KCNQ1: variants seen among roughly 807,000 people sequenced by gnomAD.
KCNQ1 encodes potassium voltage-gated channel subfamily KQT member 1.
KCNQ1 carries 49 observed loss-of-function variants against 72.4 expected under a neutral mutation model. The ratio of observed to expected loss-of-function variants is 0.68; its 90% CI spans 0.54 to 0.86. The LOEUF (loss-of-function observed/expected upper bound fraction) is 0.86, where lower values mean the gene tolerates loss of function less well. Among genes scored for constraint, KCNQ1 ranks in the 40% least tolerant of loss-of-function variants. The pLI is 0.00. For synonymous variants in KCNQ1, 450 were observed against 412.6 expected (o/e 1.09, Z -1.10); for missense variants, 790 against 945.1 (o/e 0.84, Z 2.15).
chr11:2,454,652 CAG>C (rs1490726174), intron 1 of KCNQ1, among the ~76,000 whole-genome samples: 2 of 151,922 alleles, frequency 1.3e-5, no homozygotes, highest in African/African-American at 4.8e-5. Context: ...CACATGTAAA[CAG>C]AATTAAAAAC....
In KCNQ1 at chr11:2,768,787, A is replaced by G. The variant is rs1268076446; in HGVS notation, c.1515-57A>G. ...CTCCTCAGGCAGTGCAGGGGCAGTG[A>G]GGGGATGACCAGCACAGGGTGGCCA... On this transcript the variant is annotated intron_variant, in intron 11 of 15. Transcript: ENST00000155840. The surrounding 1 kb of genome is among the most constrained non-coding windows in gnomAD (Gnocchi z 6.7). 7.4e-7 allele frequency: 1 copy of G among 1,342,622 alleles called. No homozygotes were observed. Among genetic ancestry groups the G allele is most frequent in the Non-Finnish European group, 1.1e-6 (1 of 932,512 alleles). The allele number at this position is 1,342,622 out of a possible 1,614,324, so 83.2% of individuals were successfully genotyped here.
At position 2,677,671 on chromosome 11, in the gene KCNQ1, A is replaced by G. The variant is rs1850317452; in HGVS notation, c.1514+15590A>G. On this transcript the variant is annotated intron_variant, in intron 11 of 15. Transcript: ENST00000155840. This position sits in a 1 kb window ranked among gnomAD's most constrained non-coding sequence, Gnocchi z 4.5. ...CTGTTATTGCATATGAGATAAAATA[A>G]TATTTTAACTACTGTTATTTTTCAA... The G allele has an allele frequency of 2.5e-6, 1 of 398,616 alleles. No individual in the cohort carries two copies. The highest frequency in any genetic ancestry group is 4.4e-6 in the Non-Finnish European group (1 of 226,056). The allele number at this position is 398,616 out of a possible 1,614,324, so 24.7% of individuals were successfully genotyped here.
At chr11:2,780,902 C>CA (rs1256695829) in intron 15 of KCNQ1, among the ~76,000 whole-genome samples, 1 of 152,174 alleles carries the variant, frequency 6.6e-6, no homozygotes, top group African/African-American at 2.4e-5. Context: ...TCTGCTCCAA[C>CA]ACAGACCTCC....
At position 2,662,006 on chromosome 11, in the gene KCNQ1, T is replaced by C. The variant is rs967396850; in HGVS notation, c.1439T>C (p.Met480Thr). 3 of 1,611,008 alleles carry C rather than the reference T, an allele frequency of 1.9e-6. No individual in the cohort carries two copies. Among genetic ancestry groups the C allele is most frequent in the East Asian group, 4.5e-5 (2 of 44,864 alleles). The change falls in exon 11 of 16, where the codon ATG becomes ACG. Residue 480 changes from methionine (M) to threonine (T), a missense_variant. Physicochemically the swap from Met to Thr is moderately conservative, Grantham distance 81 (BLOSUM62 -1). Transcript: ENST00000155840. ...TLLEVSMPHF[M>T]RTNSFAEDLD... ...CTGGAAGTGAGCATGCCCCATTTCA[T>C]GAGAACCAACAGCTTCGCCGAGGAC...
At position 2,588,968 on chromosome 11, in the gene KCNQ1, G is replaced by A; in HGVS notation, c.1393+114G>A. On this transcript the variant is annotated intron_variant, in intron 10 of 15. Transcript: ENST00000155840. The surrounding 1 kb of genome is among the most constrained non-coding windows in gnomAD (Gnocchi z 5.6). ...TTGGGCTGTGGTCTCTGACAACGAGGTATGAACAGACAGAGGGTGGAGCTT... is the reference window on the plus strand; with the variant it reads ...TTGGGCTGTGGTCTCTGACAACGAGATATGAACAGACAGAGGGTGGAGCTT... 1 of 1,258,336 alleles carries A rather than the reference G, an allele frequency of 7.9e-7. No individual in the cohort carries two copies. The allele number at this position is 1,258,336 out of a possible 1,614,324, so 77.9% of individuals were successfully genotyped here.
intron 11 of KCNQ1, among the ~76,000 whole-genome samples, chr11:2,722,471 G>C (rs1405405583): frequency 6.6e-6 from 1 of 152,184 alleles, no homozygotes; most frequent in East Asian, 1.9e-4. Context: ...TCACAAAGGA[G>C]ATCGGGAAGG....
At chr11:2,742,698 C>A (rs1386629113) in intron 11 of KCNQ1, among the ~76,000 whole-genome samples, 1 of 152,220 alleles carries the variant, frequency 6.6e-6, no homozygotes, top group African/African-American at 2.4e-5. Context: ...ACAAGAGCCT[C>A]GGAGAGAAGG....
rs188796307 is a variant in KCNQ1, at chr11:2,464,644, G to A, written c.386+19160G>A. ...CTGGGGGACAGGAGTTGGGGGGGTG[G>A]GCAGTGCCTCTGTGTGGCAGATTCC... On this transcript the variant is annotated intron_variant, in intron 1 of 15. Coordinates refer to ENST00000155840, the MANE Select transcript of KCNQ1 (RefSeq NM_000218.3). The surrounding 1 kb of genome is among the most constrained non-coding windows in gnomAD (Gnocchi z 5.0). Among the ~76,000 whole-genome samples, 505 of 152,208 alleles carry A rather than the reference G, an allele frequency of 3.3e-3. 3 individuals are homozygous for A. The highest frequency in any genetic ancestry group is 0.011 in the African/African-American group (474 of 41,542).
At chr11:2,644,477 T>A (rs1849636038) in intron 10 of KCNQ1, 1 of 398,362 alleles carries the variant, frequency 2.5e-6, no homozygotes, top group African/African-American at 2.1e-5. Context: ...ATACCCCGAA[T>A]TGTTTTTTCT....
rs1010556700 is a variant in KCNQ1, at chr11:2,679,891, T to A, written c.1514+17810T>A. 17 of 398,198 alleles carry A rather than the reference T, an allele frequency of 4.3e-5. No homozygotes were observed. The highest frequency in any genetic ancestry group is 2.9e-4 in the African/African-American group (14 of 48,580). The allele number at this position is 398,198 out of a possible 1,614,324, so 24.7% of individuals were successfully genotyped here. A position where few individuals can be genotyped will look rare whatever the true frequency, so the allele number is the denominator to read the frequency against. On this transcript the variant is annotated intron_variant, in intron 11 of 15. Transcript: ENST00000155840. This position sits in a 1 kb window ranked among gnomAD's most constrained non-coding sequence, Gnocchi z 4.8. ...ACTTAGAACTAGCACGCCTAATTTT[T>A]TTTTTATTTTTATTTTTTTTGAGGC...
chr11:2,809,102 A>G lies in KCNQ1; in HGVS notation c.1794+31065A>G, dbSNP rs1847435481. On this transcript the variant is annotated intron_variant, in intron 15 of 15. Transcript: ENST00000155840. The surrounding 1 kb of genome is among the most constrained non-coding windows in gnomAD (Gnocchi z 7.1). ...CCAGACAATGGATGTGTGAGTGAGT[A>G]GATGAATGAGTGGGCAGACAGACAG... 6.6e-6 allele frequency among the ~76,000 whole-genome samples: 1 copy of G among 152,174 alleles called. No individual in the cohort carries two copies. The highest frequency in any genetic ancestry group is 6.5e-5 in the Admixed American group (1 of 15,276).
intron 15 of KCNQ1, among the ~76,000 whole-genome samples, chr11:2,790,942 C>T (rs1400398750): frequency 6.6e-6 from 1 of 151,596 alleles, no homozygotes; most frequent in Non-Finnish European, 1.5e-5. Flanking sequence ...TTCTCTTACC[C>T]TCAGCAATCC....
chr11:2,696,492 C>G, intron 11 of KCNQ1: 1 of 398,686 alleles, frequency 2.5e-6, no homozygotes, highest in Non-Finnish European at 4.4e-6. Flanking sequence ...GCCCTGGTAT[C>G]TGCCAGCAGA....
intron 10 of KCNQ1, chr11:2,616,783 T>A (rs1307529154): frequency 2.5e-6 from 1 of 398,180 alleles, no homozygotes; most frequent in Non-Finnish European, 4.4e-6. Flanking sequence ...TAAAATTTAT[T>A]GAGACTCTTT....
At position 2,475,334 on chromosome 11, in the gene KCNQ1, G is replaced by A. The variant is rs551374577; in HGVS notation, c.386+29850G>A. On this transcript the variant is annotated intron_variant, in intron 1 of 15. Transcript: ENST00000155840. This position sits in a 1 kb window ranked among gnomAD's most constrained non-coding sequence, Gnocchi z 5.8. The stretch of plus-strand genomic sequence containing the variant: ...AGGGAATTCCCTTCCTTTCTGAGCT[G>A]AGTAGTGGTCTGTGGTGTGGATGGA... Among the ~76,000 whole-genome samples, 9 of 152,270 alleles carry A rather than the reference G, an allele frequency of 5.9e-5. No individual in the cohort carries two copies. Among genetic ancestry groups the A allele is most frequent in the African/African-American group, 2.2e-4 (9 of 41,560 alleles).
chr11:2,655,734 C>T (rs887322516), intron 10 of KCNQ1: 1 of 392,792 alleles, frequency 2.5e-6, no homozygotes, highest in African/African-American at 2.1e-5. Flanking sequence ...TGGCTACGAC[C>T]ACAGGTGAAA....
intron 11 of KCNQ1, among the ~76,000 whole-genome samples, chr11:2,761,351 T>A (rs34861825): frequency 6.6e-6 from 1 of 151,968 alleles, no homozygotes; most frequent in Non-Finnish European, 1.5e-5. Context: ...CGCTTGTGTC[T>A]TCTTCTGCCG....
chr11:2,689,013 G>GA, intron 11 of KCNQ1: 1 of 398,774 alleles, frequency 2.5e-6, no homozygotes, highest in Non-Finnish European at 4.4e-6. Flanking sequence ...CCCTGGGTTG[G>GA]AATCCTGGAG....
At chr11:2,780,906 GACCTCC>G (rs1335910884) in intron 15 of KCNQ1, among the ~76,000 whole-genome samples, 2 of 152,118 alleles carry the variant, frequency 1.3e-5, no homozygotes, top group African/African-American at 4.8e-5. Context: ...CTCCAACACA[GACCTCC>G]CAACTACCTT....
Sources: allele counts gnomAD v4.1 joint callset (sites outside exome capture counted in the v4.1 genomes callset), GRCh38; gene constraint gnomAD v4.1.1; non-coding constraint Gnocchi (gnomAD v3.1); transcripts MANE v1.5; gene names NCBI Gene and HGNC (gene_info 2026-07-23, HGNC 2026-07-21).